The following LMX1A variants were observed in gnomAD, a reference collection of about 807,000 sequenced individuals.
LMX1A encodes LIM homeobox transcription factor 1-alpha.
A neutral mutation model predicts 49.1 loss-of-function variants in LMX1A; 15 were observed. The ratio of observed to expected loss-of-function variants is 0.31; its 90% CI spans 0.20 to 0.47. The LOEUF (loss-of-function observed/expected upper bound fraction) is 0.47, where lower values mean the gene tolerates loss of function less well. Ranked by LOEUF, LMX1A falls within the 20% of genes least tolerant of loss-of-function variation. The pLI is 1.00. For synonymous variants in LMX1A, 167 were observed against 185.7 expected (o/e 0.90, Z 0.82); for missense variants, 372 against 475.8 (o/e 0.78, Z 2.03).
chr1:165,216,517 G>A (rs562498074), intron 4 of LMX1A, among the ~76,000 whole-genome samples: 45 of 152,284 alleles, frequency 3.0e-4, no homozygotes, highest in African/African-American at 1.0e-3. Context: ...CTTCAAGGTA[G>A]GCAAGAAAAG....
At chr1:165,216,427 T>G (rs1651646060) in intron 4 of LMX1A, among the ~76,000 whole-genome samples, 1 of 152,128 alleles carries the variant, frequency 6.6e-6, no homozygotes, top group Admixed American at 6.5e-5. Flanking sequence ...AAACAATGCT[T>G]CTTTAGCACT....
At chr1:165,219,258 G>A (rs1454807068) in intron 4 of LMX1A, among the ~76,000 whole-genome samples, 8 of 152,144 alleles carry the variant, frequency 5.3e-5, no homozygotes, top group East Asian at 3.9e-4. Flanking sequence ...AAATCCCAAC[G>A]GCCCATAAAC....
At chr1:165,246,409 A>G (rs1435322028) in intron 4 of LMX1A, among the ~76,000 whole-genome samples, 1 of 152,214 alleles carries the variant, frequency 6.6e-6, no homozygotes, top group Non-Finnish European at 1.5e-5. Context: ...AACAATAATT[A>G]TAGATTTTTA....
At chr1:165,271,754 G>T (rs933203886) in intron 3 of LMX1A, among the ~76,000 whole-genome samples, 1 of 152,184 alleles carries the variant, frequency 6.6e-6, no homozygotes, top group Non-Finnish European at 1.5e-5. Flanking sequence ...GGAGGAGGAT[G>T]TGCCAAGCCA....
chr1:165,223,749 T>C (rs1261158392), intron 4 of LMX1A, among the ~76,000 whole-genome samples: 1 of 152,080 alleles, frequency 6.6e-6, no homozygotes, highest in African/African-American at 2.4e-5. Context: ...GTATGTTGTC[T>C]TACATTATTC....
At chr1:165,290,328 C>T (rs1307439244) in intron 3 of LMX1A, among the ~76,000 whole-genome samples, 1 of 152,208 alleles carries the variant, frequency 6.6e-6, no homozygotes, top group Non-Finnish European at 1.5e-5. Flanking sequence ...CCTCTAGAGG[C>T]TTAAGGGAAG....
chr1:165,295,180 T>G (rs965649117), intron 3 of LMX1A, among the ~76,000 whole-genome samples: 1 of 151,978 alleles, frequency 6.6e-6, no homozygotes. Context: ...CATGGGAAAG[T>G]GTTCACAGTA....
chr1:165,215,053 C>T (rs1651590147), intron 4 of LMX1A, among the ~76,000 whole-genome samples: 1 of 151,986 alleles, frequency 6.6e-6, no homozygotes. Context: ...TGTGGTGGCT[C>T]AAGCCTATAA....
chr1:165,232,491 G>C (rs929750999), intron 4 of LMX1A, among the ~76,000 whole-genome samples: 2 of 152,190 alleles, frequency 1.3e-5, no homozygotes, highest in African/African-American at 4.8e-5. Context: ...GGAAGTAGAG[G>C]AAGGTGAACA....
intron 3 of LMX1A, among the ~76,000 whole-genome samples, chr1:165,260,223 T>C (rs1469593366): frequency 6.6e-6 from 1 of 152,186 alleles, no homozygotes; most frequent in Non-Finnish European, 1.5e-5. Context: ...AAATGAGGTA[T>C]TTTTAGCTGA....
intron 4 of LMX1A, among the ~76,000 whole-genome samples, chr1:165,229,221 C>T (rs1472062648): frequency 3.3e-5 from 5 of 151,766 alleles, no homozygotes; most frequent in Non-Finnish European, 7.4e-5. Flanking sequence ...AAAACACAAC[C>T]CCAAAAAAGT....
At chr1:165,220,105 C>G (rs1651785354) in intron 4 of LMX1A, among the ~76,000 whole-genome samples, 1 of 152,060 alleles carries the variant, frequency 6.6e-6, no homozygotes, top group African/African-American at 2.4e-5. Flanking sequence ...TATGAATGTT[C>G]CTGGCATTCC....
intron 4 of LMX1A, among the ~76,000 whole-genome samples, chr1:165,228,314 T>C (rs892071620): frequency 6.6e-6 from 1 of 152,170 alleles, no homozygotes; most frequent in African/African-American, 2.4e-5. Context: ...CCTGCAGCAG[T>C]TACATCATTT....
At chr1:165,321,555 A>G (rs1655385997) in intron 3 of LMX1A, among the ~76,000 whole-genome samples, 1 of 152,202 alleles carries the variant, frequency 6.6e-6, no homozygotes, top group Non-Finnish European at 1.5e-5. Context: ...ACTGCCATCA[A>G]ATAATTTCTA....
At chr1:165,231,391 A>G (rs1359600496) in intron 4 of LMX1A, among the ~76,000 whole-genome samples, 1 of 151,796 alleles carries the variant, frequency 6.6e-6, no homozygotes, top group African/African-American at 2.4e-5. Flanking sequence ...GCAGCTTTGA[A>G]CTCCTAGGCT....
intron 3 of LMX1A, among the ~76,000 whole-genome samples, chr1:165,310,146 G>T (rs1571215516): frequency 6.6e-6 from 1 of 152,146 alleles, no homozygotes; most frequent in Non-Finnish European, 1.5e-5. Context: ...TGATAGTTTT[G>T]TAAAGGCAGG....
chr1:165,350,173 C>CAAAAAA (rs60150264), intron 3 of LMX1A, among the ~76,000 whole-genome samples: 34 of 80,208 alleles, frequency 4.2e-4, no homozygotes, highest in Non-Finnish European at 5.0e-4. Flanking sequence ...AAAGATCCAC[C>CAAAAAA]AAAAAAAAAA....
intron 8 of LMX1A, 82 bp from the exon 9 acceptor site, chr1:165,204,122 A>C: frequency 6.9e-7 from 1 of 1,457,468 alleles, no homozygotes; most frequent in Non-Finnish European, 9.5e-7. Context: ...TGAATTCAAC[A>C]AGTGTTGCCT....
chr1:165,223,018 T>C (rs1406155435), intron 4 of LMX1A, among the ~76,000 whole-genome samples: 2 of 150,658 alleles, frequency 1.3e-5, no homozygotes, highest in Non-Finnish European at 3.0e-5. Flanking sequence ...ACAGAGTTTC[T>C]TTTGGTGGTG....
Sources: allele counts gnomAD v4.1 joint callset (sites outside exome capture counted in the v4.1 genomes callset), GRCh38; gene constraint gnomAD v4.1.1; transcripts MANE v1.5; gene names NCBI Gene and HGNC (gene_info 2026-07-23, HGNC 2026-07-21).